The following BMPR1B variants were observed in gnomAD, a reference collection of about 807,000 sequenced individuals.
BMPR1B encodes bone morphogenetic protein receptor type-1B.
A neutral mutation model predicts 59.1 loss-of-function variants in BMPR1B; 12 were observed. That is an observed-to-expected ratio of 0.20 (90% CI 0.13 to 0.33). BMPR1B has a LOEUF of 0.33. BMPR1B is among the 10% of genes least tolerant of loss of function. BMPR1B has a pLI of 1.00. For missense variants in BMPR1B, 550 were observed against 610.9 expected (o/e 0.90, Z 1.05); for synonymous variants, 237 against 207.3 (o/e 1.14, Z -1.23).
intron 3 of BMPR1B, among the ~76,000 whole-genome samples, chr4:95,050,505 A>C (rs1365245683): frequency 6.6e-6 from 1 of 152,136 alleles, no homozygotes; most frequent in Non-Finnish European, 1.5e-5. Context: ...CCTAAGCTAG[A>C]GGGTAGATTT....
At chr4:95,083,037 C>CAA (rs1171888403) in intron 3 of BMPR1B, among the ~76,000 whole-genome samples, 19,602 of 60,358 alleles carry the variant, frequency 0.32, 4,787 homozygotes, top group Middle Eastern at 0.38. Context: ...TACTCTGTCT[C>CAA]AAAAAAAAAA....
intron 1 of BMPR1B, among the ~76,000 whole-genome samples, chr4:94,792,533 GA>G (rs1274242516): frequency 2.0e-5 from 3 of 151,740 alleles, no homozygotes; most frequent in African/African-American, 7.3e-5. Flanking sequence ...TTGATTGCTT[GA>G]AAAATGAGAA....
At chr4:94,865,222 T>C (rs890537909) in intron 1 of BMPR1B, among the ~76,000 whole-genome samples, 2 of 152,288 alleles carry the variant, frequency 1.3e-5, no homozygotes, top group South Asian at 4.1e-4. Context: ...TTGGCCAGGC[T>C]GGTCTCGAAC....
intron 2 of BMPR1B, among the ~76,000 whole-genome samples, chr4:94,971,681 C>T (rs1267636199): frequency 6.6e-6 from 1 of 151,506 alleles, no homozygotes; most frequent in Non-Finnish European, 1.5e-5. Flanking sequence ...AAAATATGAG[C>T]TTTTTAAGCA....
chr4:95,130,041 T>C lies in BMPR1B; in HGVS notation c.765T>C (p.His255=). 2 of 1,613,862 alleles carry C rather than the reference T, an allele frequency of 1.2e-6. No homozygotes were observed. Among genetic ancestry groups the C allele is most frequent in the Non-Finnish European group, 1.7e-6 (2 of 1,179,834 alleles). Residue 255 remains histidine (H), a synonymous_variant, in exon 9 of 13, where the codon CAT becomes CAC. Transcript: ENST00000515059. ...TEIYQTVLMR[H]ENILGFIAAD... ...TATATCAGACAGTGTTGATGAGGCA[T>C]GAAAACATTTTGGGTGAGTAAAAGT...
At chr4:94,990,043 TA>T (rs1721638835) in intron 2 of BMPR1B, among the ~76,000 whole-genome samples, 1 of 152,210 alleles carries the variant, frequency 6.6e-6, no homozygotes, top group Non-Finnish European at 1.5e-5. Flanking sequence ...TACTACTTGG[TA>T]TTTACTCAAG....
intron 3 of BMPR1B, among the ~76,000 whole-genome samples, chr4:95,087,098 C>T (rs1729642530): frequency 6.7e-6 from 1 of 149,150 alleles, no homozygotes; most frequent in South Asian, 2.1e-4. Flanking sequence ...GCACAATTTC[C>T]ACTCACTTCA....
At chr4:94,765,864 A>G (rs1379663733) in intron 1 of BMPR1B, among the ~76,000 whole-genome samples, 2 of 152,204 alleles carry the variant, frequency 1.3e-5, no homozygotes, top group East Asian at 1.9e-4. Flanking sequence ...GGATGGCAGC[A>G]TAGCCTCCTG....
At chr4:94,809,254 G>C (rs1723723945) in intron 1 of BMPR1B, among the ~76,000 whole-genome samples, 1 of 152,164 alleles carries the variant, frequency 6.6e-6, no homozygotes, top group Admixed American at 6.5e-5. Context: ...GGTAGAACAT[G>C]TAAAATTGTT....
chr4:95,003,691 C>G (rs909150527), intron 3 of BMPR1B, among the ~76,000 whole-genome samples: 3 of 150,926 alleles, frequency 2.0e-5, no homozygotes, highest in Non-Finnish European at 2.9e-5. Context: ...TCTATTTCCT[C>G]TTTTCATGAT....
chr4:94,992,610 A>G (rs1396119533), intron 2 of BMPR1B, among the ~76,000 whole-genome samples: 1 of 152,208 alleles, frequency 6.6e-6, no homozygotes, highest in Non-Finnish European at 1.5e-5. Flanking sequence ...TCCTTGATAA[A>G]TAATACTTCT....
intron 3 of BMPR1B, among the ~76,000 whole-genome samples, chr4:95,005,892 G>T (rs917460931): frequency 6.6e-6 from 1 of 152,094 alleles, no homozygotes; most frequent in African/African-American, 2.4e-5. Context: ...ACTGCAATTA[G>T]CATCTTTCAC....
At chr4:95,075,841 T>C (rs1025675187) in intron 3 of BMPR1B, among the ~76,000 whole-genome samples, 6 of 152,172 alleles carry the variant, frequency 3.9e-5, no homozygotes, top group African/African-American at 1.4e-4. Context: ...GTAAGGCTTC[T>C]GTCCATAGCT....
chr4:94,966,083 T>TGAAATGG (rs1162059939), intron 2 of BMPR1B, among the ~76,000 whole-genome samples: 1 of 152,172 alleles, frequency 6.6e-6, no homozygotes, highest in African/African-American at 2.4e-5. Context: ...TATTGACTTT[T>TGAAATGG]GAAATGGGAT....
intron 1 of BMPR1B, among the ~76,000 whole-genome samples, chr4:94,854,402 A>T (rs560587763): frequency 1.4e-4 from 22 of 152,308 alleles, no homozygotes; most frequent in Admixed American, 1.4e-3. Context: ...ATATTTACAA[A>T]TGAAGGCTGA....
At chr4:95,037,769 G>A (rs576408064) in intron 3 of BMPR1B, among the ~76,000 whole-genome samples, 91 of 152,100 alleles carry the variant, frequency 6.0e-4, no homozygotes, top group African/African-American at 1.9e-3. Flanking sequence ...GACATGAGGG[G>A]TCATATACTT....
At chr4:95,126,222 G>C (rs1005511167) in intron 8 of BMPR1B, among the ~76,000 whole-genome samples, 1 of 152,164 alleles carries the variant, frequency 6.6e-6, no homozygotes, top group African/African-American at 2.4e-5. Context: ...CTTTGGGGTA[G>C]AGGTTACATT....
At chr4:94,984,441 TC>T (rs969676214) in intron 2 of BMPR1B, among the ~76,000 whole-genome samples, 97 of 152,262 alleles carry the variant, frequency 6.4e-4, no homozygotes, top group Non-Finnish European at 8.8e-5. Flanking sequence ...TATTTAAGAA[TC>T]CCTATGTAGA....
chr4:95,006,378 A>AG (rs1028643425), intron 3 of BMPR1B, among the ~76,000 whole-genome samples: 1 of 149,454 alleles, frequency 6.7e-6, no homozygotes, highest in African/African-American at 2.5e-5. Flanking sequence ...CTCCATCTCA[A>AG]AAAAAAAAAA....
Sources: allele counts gnomAD v4.1 joint callset (sites outside exome capture counted in the v4.1 genomes callset), GRCh38; gene constraint gnomAD v4.1.1; transcripts MANE v1.5; gene names NCBI Gene and HGNC (gene_info 2026-07-23, HGNC 2026-07-21).